Variants in ROCK1 observed in about 807,000 individuals in gnomAD.
ROCK1 encodes Rho associated coiled-coil containing protein kinase 1, also known as rho-associated protein kinase 1.
A neutral mutation model predicts 196.8 loss-of-function variants in ROCK1; 36 were observed. The ratio of observed to expected loss-of-function variants is 0.18; its 90% CI spans 0.14 to 0.24. The LOEUF is 0.24. Ranked by LOEUF, ROCK1 falls within the 10% of genes least tolerant of loss-of-function variation. The probability of loss-of-function intolerance (pLI) is 1.00; values close to 1 mark genes in which losing one functional copy is unlikely to be tolerated. For missense variants in ROCK1, 920 were observed against 1,562.0 expected (o/e 0.59, Z 6.93); for synonymous variants, 443 against 515.9 (o/e 0.86, Z 1.91).
intron 29 of ROCK1, among the ~76,000 whole-genome samples, chr18:20,958,819 T>A (rs563363234): frequency 7.0e-6 from 1 of 142,526 alleles, no homozygotes; most frequent in African/African-American, 2.6e-5. Context: ...ACAGTTGTTA[T>A]ACTGTATTTT....
At chr18:21,044,246 A>G in intron 5 of ROCK1, 60 bp from the exon 6 acceptor site, 2 of 1,269,536 alleles carry the variant, frequency 1.6e-6, no homozygotes, top group East Asian at 2.3e-5. Flanking sequence ...TGTAAAAATT[A>G]TATGAGGCAG....
chr18:21,022,303 T>C (rs1007936632), intron 11 of ROCK1, among the ~76,000 whole-genome samples: 1 of 152,180 alleles, frequency 6.6e-6, no homozygotes, highest in African/African-American at 2.4e-5. Context: ...TTGTTTTACC[T>C]CTGTGTCAGA....
At chr18:21,054,523 T>C (rs1412080437) in intron 2 of ROCK1, among the ~76,000 whole-genome samples, 2 of 152,034 alleles carry the variant, frequency 1.3e-5, no homozygotes, top group Admixed American at 1.3e-4. Context: ...ACCCTGAAAG[T>C]GGGAGATCCC....
chr18:21,105,178 T>TG, intron 1 of ROCK1, among the ~76,000 whole-genome samples: 1 of 152,324 alleles, frequency 6.6e-6, no homozygotes, highest in East Asian at 1.9e-4. Flanking sequence ...TTTCTGAAGA[T>TG]GAAACAGCAT....
At chr18:21,009,643 A>AATG in intron 13 of ROCK1, among the ~76,000 whole-genome samples, 1 of 152,180 alleles carries the variant, frequency 6.6e-6, no homozygotes. Flanking sequence ...GGTTTTCCAG[A>AATG]ATGTCTGTAC....
chr18:21,029,205 T>C (rs969988344), intron 9 of ROCK1, among the ~76,000 whole-genome samples: 3 of 152,210 alleles, frequency 2.0e-5, no homozygotes, highest in African/African-American at 7.2e-5. Context: ...AATCAAGTAT[T>C]ACTAAGGTTT....
intron 23 of ROCK1, 186 bp downstream of exon 23, chr18:20,970,162 C>T (rs2035412773): frequency 2.1e-6 from 1 of 473,438 alleles, no homozygotes; most frequent in African/African-American, 1.9e-5. Context: ...ATATCTTGAA[C>T]AAGAATTTCA....
chr18:21,044,229 T>A, intron 5 of ROCK1, 43 bp from the exon 6 acceptor site: 1 of 1,422,566 alleles, frequency 7.0e-7, no homozygotes, highest in Non-Finnish European at 9.8e-7. Context: ...TGAAACAGAT[T>A]AGACACTGTA....
intron 2 of ROCK1, among the ~76,000 whole-genome samples, chr18:21,060,046 G>A (rs1568398003): frequency 6.6e-6 from 1 of 152,192 alleles, no homozygotes; most frequent in Non-Finnish European, 1.5e-5. Context: ...GAGAGAAATG[G>A]AGACTGACTG....
At chr18:21,103,949 T>C (rs1383324772) in intron 1 of ROCK1, among the ~76,000 whole-genome samples, 1 of 152,226 alleles carries the variant, frequency 6.6e-6, no homozygotes, top group Non-Finnish European at 1.5e-5. Context: ...TACTTTCCAT[T>C]GTGAATTGCA....
At chr18:21,045,148 A>C in intron 5 of ROCK1, 144 bp downstream of exon 5, 3 of 613,970 alleles carry the variant, frequency 4.9e-6, no homozygotes, top group Non-Finnish European at 7.7e-6. Context: ...GGCGTGAGGC[A>C]GCGCCTGGCC....
At chr18:21,099,492 C>T (rs1319860732) in intron 1 of ROCK1, among the ~76,000 whole-genome samples, 1 of 152,076 alleles carries the variant, frequency 6.6e-6, no homozygotes, top group Non-Finnish European at 1.5e-5. Context: ...ACCTTTAATC[C>T]CAACACTTTG....
chr18:21,097,351 AC>A (rs960115745), intron 1 of ROCK1, among the ~76,000 whole-genome samples: 1 of 152,158 alleles, frequency 6.6e-6, no homozygotes, highest in African/African-American at 2.4e-5. Flanking sequence ...AAAGTATCAC[AC>A]TCTACTTTAC....
rs371191768 is a variant in ROCK1 at position 20,982,804 on chromosome 18, G to A, written c.2518C>T (p.Arg840Trp). The change falls in exon 21 of 33, where the codon CGG (arginine) becomes TGG (tryptophan). Residue 840 changes from arginine to tryptophan, a missense_variant. Physicochemically the swap from Arg to Trp is moderately radical, Grantham distance 101. Around this residue, in one of 6 missense-constraint regions of ROCK1, gnomAD observed 520 missense variants for 657.1 expected, o/e 0.79. Coordinates refer to ENST00000399799, the MANE Select transcript of ROCK1 (RefSeq NM_005406.3). ...GCTTCAAGCTGATCTTGTAGCTCCC[G>A]CATCTGTCCTTCATTTCCTCTATAC... ...KQYRGNEGQM[R>W]ELQDQLEAEQ... is the part of the protein sequence containing the mutation. 12 of 1,578,354 alleles carry A rather than the reference G, an allele frequency of 7.6e-6. No individual in the cohort carries two copies. Among genetic ancestry groups the A allele is most frequent in the East Asian group, 2.2e-5 (1 of 44,460 alleles).
chr18:21,085,826 A>G (rs996955166), intron 1 of ROCK1, among the ~76,000 whole-genome samples: 1 of 152,196 alleles, frequency 6.6e-6, no homozygotes, highest in Non-Finnish European at 1.5e-5. Flanking sequence ...ACCACACAGG[A>G]CTGTTTTTTA....
At chr18:20,986,724 T>C (rs572930969) in intron 19 of ROCK1, among the ~76,000 whole-genome samples, 2 of 152,314 alleles carry the variant, frequency 1.3e-5, no homozygotes, top group African/African-American at 4.8e-5. Context: ...ATAGTTGTAC[T>C]GTCATAGTGA....
chr18:21,056,239 C>G (rs1486881046), intron 2 of ROCK1, among the ~76,000 whole-genome samples: 19 of 152,180 alleles, frequency 1.2e-4, no homozygotes, highest in Non-Finnish European at 4.4e-5. Context: ...CTACATGTCT[C>G]TCTTAAACTT....
At chr18:21,026,001 A>G (rs1221975709) in intron 10 of ROCK1, among the ~76,000 whole-genome samples, 1 of 152,236 alleles carries the variant, frequency 6.6e-6, no homozygotes, top group Non-Finnish European at 1.5e-5. Flanking sequence ...ATTTAACTGA[A>G]GGTTACCATT....
intron 1 of ROCK1, among the ~76,000 whole-genome samples, chr18:21,076,480 G>A (rs556858364): frequency 1.3e-5 from 2 of 152,314 alleles, no homozygotes; most frequent in Admixed American, 1.3e-4. Flanking sequence ...CTCCAGCCTA[G>A]GTGACAGAGG....
Sources: gnomAD v4.1 joint callset for allele counts (sites outside exome capture counted in the v4.1 genomes callset) on GRCh38, gnomAD v4.1.1 for gene constraint, gnomAD v4.1.1 regional missense constraint, MANE v1.5 for transcripts, NCBI Gene and HGNC (gene_info 2026-07-23, HGNC 2026-07-21) for gene names.